The following SCD5 variants were observed in gnomAD, a reference collection of about 807,000 sequenced individuals.
SCD5 encodes the protein acyl-CoA-desaturase 4.
In SCD5, 20 loss-of-function variants were observed where a neutral mutation model predicts 30.4. That is an observed-to-expected ratio of 0.66 (90% confidence interval 0.46 to 0.96). SCD5 has a LOEUF of 0.96. Among genes scored for constraint, SCD5 ranks in the 40% least tolerant of loss-of-function variants. The probability of loss-of-function intolerance (pLI) is 0.00; values close to 1 mark genes in which losing one functional copy is unlikely to be tolerated. For synonymous variants in SCD5, 173 were observed against 176.4 expected, an observed-to-expected ratio of 0.98 and a Z score of 0.16; for missense variants, 381 against 443.3, an observed-to-expected ratio of 0.86 and a Z score of 1.26.
At chr4:82,787,311 T>A (rs1401153775) in intron 1 of SCD5, among the ~76,000 whole-genome samples, 1 of 151,850 alleles carries the variant, frequency 6.6e-6, no homozygotes, top group East Asian at 1.9e-4. Flanking sequence ...GTTTTCCCTT[T>A]TTTTTTTTTT....
intron 1 of SCD5, among the ~76,000 whole-genome samples, chr4:82,718,672 T>C (rs963001252): frequency 1.3e-5 from 2 of 151,884 alleles, no homozygotes; most frequent in African/African-American, 4.9e-5. Flanking sequence ...CAAGATACCA[T>C]GAAACCCCCT....
chr4:82,642,985 G>T (rs1005357522), intron 3 of SCD5, among the ~76,000 whole-genome samples: 1 of 152,166 alleles, frequency 6.6e-6, no homozygotes, highest in Admixed American at 6.5e-5. Context: ...CCCTGGTCCT[G>T]ATTGGTTTAA....
chr4:82,721,725 C>T (rs2148832492), intron 1 of SCD5, among the ~76,000 whole-genome samples: 1 of 152,342 alleles, frequency 6.6e-6, no homozygotes, highest in South Asian at 2.1e-4. Flanking sequence ...GCTCCCCACA[C>T]CTGCATCTTG....
chr4:82,724,854 C>T (rs1720439329), intron 1 of SCD5, among the ~76,000 whole-genome samples: 1 of 152,218 alleles, frequency 6.6e-6, no homozygotes, highest in South Asian at 2.1e-4. Flanking sequence ...GACATTTAGG[C>T]CCCAGGGCCT....
intron 1 of SCD5, among the ~76,000 whole-genome samples, chr4:82,726,177 G>A (rs993143915): frequency 3.3e-5 from 5 of 152,180 alleles, no homozygotes; most frequent in Non-Finnish European, 7.3e-5. Flanking sequence ...CCAGCACTTT[G>A]GGAGGCCAAA....
chr4:82,667,284 A>ACACACGCACGCACG (rs796646593), intron 3 of SCD5, among the ~76,000 whole-genome samples: 2 of 150,490 alleles, frequency 1.3e-5, no homozygotes, highest in Non-Finnish European at 3.0e-5. Flanking sequence ...ACACACACAC[A>ACACACGCACGCACG]CACGCACGCA....
At chr4:82,676,645 C>A (rs1470717726) in intron 3 of SCD5, among the ~76,000 whole-genome samples, 5 of 152,180 alleles carry the variant, frequency 3.3e-5, no homozygotes, top group African/African-American at 1.2e-4. Flanking sequence ...GAATCTAGGA[C>A]CCTAGGAATC....
intron 1 of SCD5, chr4:82,753,255 A>C (rs935544855): frequency 1.3e-5 from 6 of 464,178 alleles, no homozygotes; most frequent in African/African-American, 1.2e-4. Flanking sequence ...CTCACCTGAG[A>C]CCAAATTAAT....
chr4:82,779,501 G>A (rs1164006231), intron 1 of SCD5, among the ~76,000 whole-genome samples: 1 of 152,192 alleles, frequency 6.6e-6, no homozygotes, highest in African/African-American at 2.4e-5. Flanking sequence ...AAGTTGTCAG[G>A]GCTCAGCCAC....
At chr4:82,774,043 C>T (rs1176042237) in intron 1 of SCD5, among the ~76,000 whole-genome samples, 2 of 148,670 alleles carry the variant, frequency 1.3e-5, no homozygotes, top group South Asian at 2.1e-4. Flanking sequence ...GATCCAAGAT[C>T]ATGCCACTGC....
At chr4:82,644,051 A>G (rs1727594365) in intron 3 of SCD5, among the ~76,000 whole-genome samples, 1 of 152,226 alleles carries the variant, frequency 6.6e-6, no homozygotes, top group African/African-American at 2.4e-5. Context: ...AGTAGCTAAA[A>G]GCATCTTAGC....
At chr4:82,739,825 G>A (rs943436213) in intron 1 of SCD5, among the ~76,000 whole-genome samples, 4 of 152,290 alleles carry the variant, frequency 2.6e-5, no homozygotes, top group Admixed American at 2.6e-4. Flanking sequence ...CTTAAAGAGA[G>A]GCATATATCT....
chr4:82,737,199 C>A (rs142567503), intron 1 of SCD5, among the ~76,000 whole-genome samples: 3 of 152,122 alleles, frequency 2.0e-5, no homozygotes, highest in Non-Finnish European at 4.4e-5. Flanking sequence ...TTATAATTTG[C>A]CAGTTTAACG....
At chr4:82,726,035 T>C (rs1226001258) in intron 1 of SCD5, among the ~76,000 whole-genome samples, 5 of 152,190 alleles carry the variant, frequency 3.3e-5, no homozygotes, top group Non-Finnish European at 4.4e-5. Flanking sequence ...AGAGGCTCTG[T>C]GTCAGCCCAG....
intron 1 of SCD5, among the ~76,000 whole-genome samples, chr4:82,722,765 C>CA (rs879522323): frequency 4.6e-4 from 65 of 141,010 alleles, no homozygotes; most frequent in South Asian, 1.1e-3. Context: ...AACTCCATCT[C>CA]AAAAAAAAAA....
At chr4:82,671,543 C>T (rs769546839) in intron 3 of SCD5, among the ~76,000 whole-genome samples, 6 of 152,168 alleles carry the variant, frequency 3.9e-5, no homozygotes, top group Non-Finnish European at 8.8e-5. Flanking sequence ...ACAATGTTTG[C>T]TCTCAGACCA....
chr4:82,768,922 G>A (rs890736444), intron 1 of SCD5, among the ~76,000 whole-genome samples: 1 of 151,540 alleles, frequency 6.6e-6, no homozygotes, highest in Non-Finnish European at 1.5e-5. Flanking sequence ...GTAATACTGA[G>A]ACTGCCTTGA....
At chr4:82,692,724 C>A (rs562986997) in intron 2 of SCD5, among the ~76,000 whole-genome samples, 88 of 152,248 alleles carry the variant, frequency 5.8e-4, no homozygotes, top group African/African-American at 2.1e-3. Flanking sequence ...GTGTCTTTTC[C>A]CACTTCCTCT....
At chr4:82,657,556 T>C (rs1727889425) in intron 3 of SCD5, among the ~76,000 whole-genome samples, 1 of 152,196 alleles carries the variant, frequency 6.6e-6, no homozygotes, top group South Asian at 2.1e-4. Flanking sequence ...TTGCTCTTTT[T>C]GCTTAGGATT....
Sources: gnomAD v4.1 joint callset for allele counts (sites outside exome capture counted in the v4.1 genomes callset) on GRCh38, gnomAD v4.1.1 for gene constraint, MANE v1.5 for transcripts, NCBI Gene and HGNC (gene_info 2026-07-23, HGNC 2026-07-21) for gene names.